Variants in PSG4 observed in about 807,000 individuals in gnomAD.
PSG4 encodes the protein pregnancy-specific beta-1-glycoprotein 4.
In PSG4, 61 loss-of-function variants were observed where a neutral mutation model predicts 44.3. That is an observed-to-expected ratio of 1.38 (90% confidence interval 1.12 to 1.70). The LOEUF (loss-of-function observed/expected upper bound fraction) is 1.70. Ranked by LOEUF, PSG4 falls within the 40% of genes most tolerant of loss-of-function variation. The probability of loss-of-function intolerance (pLI) is 0.00; values close to 1 mark genes in which losing one functional copy is unlikely to be tolerated. For synonymous variants in PSG4, 248 were observed against 191.3 expected, an observed-to-expected ratio of 1.30 and a Z score of -2.45; for missense variants, 677 against 511.7, an observed-to-expected ratio of 1.32 and a Z score of -3.12.
intron 1 of PSG4, chr19:43,204,807 T>C (rs1206027728): frequency 2.1e-5 from 8 of 379,466 alleles, no homozygotes; most frequent in South Asian, 1.4e-4. Context: ...GTTCTCAGGG[T>C]CTCCACCCTC....
intron 1 of PSG4, chr19:43,204,815 C>A (rs762042094): frequency 5.5e-6 from 2 of 361,048 alleles, no homozygotes; most frequent in Non-Finnish European, 5.3e-6. Flanking sequence ...GGTCTCCACC[C>A]TCTGGATGTT....
chr19:43,195,888 A>C (rs1338564021), intron 3 of PSG4, among the ~76,000 whole-genome samples: 1 of 150,340 alleles, frequency 6.7e-6, no homozygotes, highest in Non-Finnish European at 1.5e-5. Context: ...GTGTTTCATG[A>C]TGACTTACTT....
In PSG4 at chr19:43,193,915, T is replaced by TC. The variant is rs1193259569; in HGVS notation, c.1243+424dup. On this transcript the variant is annotated intron_variant, in intron 5 of 5. Transcript: ENST00000405312. Reference sequence around the variant, plus strand: ...GAATAGTTGCCCAATTCTGGGGCAGTCAGGTAGAGAGCAAAAGTAAATGTT... The same window carrying TC: ...GAATAGTTGCCCAATTCTGGGGCAGTCCAGGTAGAGAGCAAAAGTAAATGTT... 5.6e-6 allele frequency: 4 copies of TC among 719,752 alleles called. No individual in the cohort carries two copies. In the African/African-American group the frequency reaches 7.2e-5, roughly 13 times the overall value. 44.6% of individuals were successfully genotyped at this position (719,752 alleles called of 1,614,324 possible).
chr19:43,198,331 G>T lies in PSG4; in HGVS notation c.431-56C>A, dbSNP rs1052150463. ...GTGTGGCATCTTTGATTCTTCCAAA[G>T]GCATTTTTCAATCAGAGTTGGCATT... On this transcript the variant is annotated intron_variant, in intron 2 of 5. Coordinates refer to ENST00000405312, the MANE Select transcript of PSG4 (RefSeq NM_002780.5). 4.5e-6 allele frequency: 7 copies of T among 1,544,262 alleles called. No homozygotes were observed. The African/African-American group carries it at 1.0e-4, about 23-fold the overall frequency.
At chr19:43,204,273 A>C (rs746338330) in intron 1 of PSG4, 22 bp from the exon 2 acceptor site, 1 of 1,550,398 alleles carries the variant, frequency 6.4e-7, no homozygotes, top group South Asian at 1.2e-5. Flanking sequence ...AGAGAGCATC[A>C]GTTAATATTG....
At position 43,194,322 on chromosome 19, in the gene PSG4, A is replaced by T. The variant is rs774919758; in HGVS notation, c.1243+18T>A. The T allele has an allele frequency of 1.1e-5, 17 of 1,611,986 alleles. No individual in the cohort carries two copies. The highest frequency in any genetic ancestry group is 3.3e-4 in the Middle Eastern group (2 of 6,010). ...TCCACCTAAATCCCTATTGCCAAGG[A>T]TGCTGGGATCCACTTACCAGAGACT... On this transcript the variant is annotated intron_variant, in intron 5 of 5. Transcript: ENST00000405312.
rs770994169 is a variant in PSG4 at position 43,195,101 on chromosome 19, G to T, written c.882C>A (p.Ile294=). The change falls in exon 4 of 6, where the codon ATC becomes ATA. Residue 294 remains isoleucine (I), a synonymous_variant. Transcript: ENST00000405312. The part of the protein sequence containing the change: ...PRVKRPIENR[I]LILPNVTRNE... The stretch of plus-strand genomic sequence containing the variant: ...TTCTCGTGACATTGGGTAGAATGAG[G>T]ATCCTGTTTTCAATGGGTCGCTTTA... 2.2e-5 allele frequency: 36 copies of T among 1,610,782 alleles called. No homozygotes were observed. The highest frequency in any genetic ancestry group is 3.1e-5 in the Non-Finnish European group (36 of 1,179,084).
At chr19:43,205,326 C>T in intron 1 of PSG4, 147 bp downstream of exon 1, 1 of 1,037,626 alleles carries the variant, frequency 9.6e-7, no homozygotes, top group South Asian at 1.5e-5. Flanking sequence ...CCAGACTGAT[C>T]TTGAACTCCT....
In PSG4 at chr19:43,200,385, TAA is replaced by T. The variant is rs74268435; in HGVS notation, c.431-2112_431-2111del. 1.7e-4 allele frequency among the ~76,000 whole-genome samples: 13 copies of T among 77,048 alleles called. 4 individuals are homozygous for T. The East Asian group carries it at 7.5e-3, about 44-fold the overall frequency. The allele number at this position is 77,048 out of a possible 152,430, so 50.5% of individuals were successfully genotyped here. On this transcript the variant is annotated intron_variant, in intron 2 of 5. Transcript: ENST00000405312. ...GTAGTTGTCCCACAACTACAAAATT[TAA>T]AAATTGCTATTGTCAAAAAAAATAT...
At chr19:43,204,281 T>C (rs1967658468) in intron 1 of PSG4, 30 bp from the exon 2 acceptor site, 2 of 1,538,966 alleles carry the variant, frequency 1.3e-6, no homozygotes, top group Non-Finnish European at 1.7e-6. Context: ...TCAGTTAATA[T>C]TGAGACCTAT....
At chr19:43,201,992 A>T (rs1358874941) in intron 2 of PSG4, among the ~76,000 whole-genome samples, 1 of 144,336 alleles carries the variant, frequency 6.9e-6, no homozygotes, top group Non-Finnish European at 1.5e-5. Flanking sequence ...TGACCTGGGG[A>T]CATTGGCTCG....
chr19:43,198,420 T>A, intron 2 of PSG4, 145 bp from the exon 3 acceptor site: 2 of 1,365,404 alleles, frequency 1.5e-6, no homozygotes, highest in South Asian at 1.5e-5. Flanking sequence ...TAAAGACAGA[T>A]GCATGGCAAT....
intron 2 of PSG4, among the ~76,000 whole-genome samples, chr19:43,199,357 C>A (rs144520363): frequency 6.9e-6 from 1 of 145,334 alleles, no homozygotes; most frequent in African/African-American, 2.6e-5. Context: ...TGTGCATTTT[C>A]AGTTATGCAG....
At position 43,195,248 on chromosome 19, in the gene PSG4, T is replaced by G. The variant is rs543465488; in HGVS notation, c.735A>C (p.Thr245=). Residue 245 remains threonine, a synonymous_variant, in exon 4 of 6, where the codon ACA becomes ACC. Transcript: ENST00000405312. ...LLPKLSKPYI[T]INNLNPRENK... ...TCTCTCTGGGGTTTAAGTTGTTGATTGTGATGTAGGGCTTGGACAGCTTTG... is the reference window on the plus strand; with the variant it reads ...TCTCTCTGGGGTTTAAGTTGTTGATGGTGATGTAGGGCTTGGACAGCTTTG... 107 of 1,610,414 alleles carry G rather than the reference T, an allele frequency of 6.6e-5. 2 individuals are homozygous for G. The highest frequency in any genetic ancestry group is 5.2e-4 in the South Asian group (47 of 90,932).
intron 3 of PSG4, among the ~76,000 whole-genome samples, chr19:43,197,180 G>A (rs1412887335): frequency 6.9e-6 from 1 of 145,478 alleles, no homozygotes; most frequent in Non-Finnish European, 1.5e-5. Context: ...TAGAAAGAGT[G>A]AAGGGGACAG....
chr19:43,199,430 C>T (rs936116731), intron 2 of PSG4, among the ~76,000 whole-genome samples: 4 of 145,624 alleles, frequency 2.7e-5, no homozygotes, highest in African/African-American at 1.1e-4. Context: ...AGATAAAGTG[C>T]TCCTTATGCA....
intron 3 of PSG4, among the ~76,000 whole-genome samples, chr19:43,195,839 T>C (rs4239521): frequency 0.69 from 102,465 of 148,610 alleles, 36,347 homozygotes; most frequent in East Asian, 0.93. Context: ...AGTTCAGTCA[T>C]CAGCCAGTGG....
intron 2 of PSG4, chr19:43,198,772 C>T (rs1486799593): frequency 1.3e-5 from 2 of 158,286 alleles, no homozygotes; most frequent in African/African-American, 5.2e-5. Flanking sequence ...TGACCTGGGA[C>T]TGGGTACTTC....
In PSG4 at chr19:43,197,332, A is replaced by G. The variant is rs536791226; in HGVS notation, c.709+665T>C. Among the ~76,000 whole-genome samples, 159 of 145,680 alleles carry G rather than the reference A, an allele frequency of 1.1e-3. 29 individuals carry two copies. Among genetic ancestry groups the G allele is most frequent in the African/African-American group, 4.2e-3 (158 of 38,022 alleles). ...AAAACATATTGCCAATGCTCCAGGG[A>G]TCCACTTACCAGGCACTATGATCCT... On this transcript the variant is annotated intron_variant, in intron 3 of 5. Coordinates refer to ENST00000405312, the MANE Select transcript of PSG4 (RefSeq NM_002780.5).
Sources: allele counts gnomAD v4.1 joint callset (sites outside exome capture counted in the v4.1 genomes callset), GRCh38; gene constraint gnomAD v4.1.1; transcripts MANE v1.5; gene names NCBI Gene and HGNC (gene_info 2026-07-23, HGNC 2026-07-21).